HIVEP2: variants seen among roughly 807,000 people sequenced by gnomAD.
HIVEP2 encodes transcription factor HIVEP2.
HIVEP2 carries 14 observed loss-of-function variants against 180.7 expected under a neutral mutation model. That is an observed-to-expected ratio of 0.08 (90% CI 0.05 to 0.12). The LOEUF (loss-of-function observed/expected upper bound fraction) is 0.12, where lower values mean the gene tolerates loss of function less well. HIVEP2 is among the 10% of genes least tolerant of loss of function. The pLI, the probability that HIVEP2 is intolerant of heterozygous loss-of-function variation, is 1.00. For missense variants in HIVEP2, 2,579 were observed against 3,008.5 expected (o/e 0.86, Z 3.34); for synonymous variants, 1,184 against 1,136.4 (o/e 1.04, Z -0.84).
At chr6:142,854,182 C>T (rs928640404) in intron 1 of HIVEP2, among the ~76,000 whole-genome samples, 1 of 152,082 alleles carries the variant, frequency 6.6e-6, no homozygotes, top group Admixed American at 6.6e-5. Flanking sequence ...GATTCTGCCC[C>T]CTTAAGAGAC....
At chr6:142,777,648 C>CAAAAAAAAAAAAAAAA (rs58304452) in intron 3 of HIVEP2, among the ~76,000 whole-genome samples, 1 of 27,674 alleles carries the variant, frequency 3.6e-5, no homozygotes, top group Non-Finnish European at 5.7e-5. Flanking sequence ...AACTCCATCT[C>CAAAAAAAAAAAAAAAA]AAAAAAAAAA....
intron 1 of HIVEP2, among the ~76,000 whole-genome samples, chr6:142,929,457 C>G (rs1326951469): frequency 6.6e-6 from 1 of 151,620 alleles, no homozygotes; most frequent in African/African-American, 2.4e-5. Context: ...AAAATATAAA[C>G]CAGAACAAAA....
intron 1 of HIVEP2, among the ~76,000 whole-genome samples, chr6:142,923,208 T>TGTAATCCCA (rs1486579263): frequency 6.6e-6 from 1 of 151,940 alleles, no homozygotes; most frequent in Non-Finnish European, 1.5e-5. Context: ...TGTGGGAGCC[T>TGTAATCCCA]GTAATCCCAG....
intron 2 of HIVEP2, among the ~76,000 whole-genome samples, chr6:142,793,106 T>A (rs1463565712): frequency 6.6e-6 from 1 of 152,176 alleles, no homozygotes; most frequent in Non-Finnish European, 1.5e-5. Flanking sequence ...TTTCCAAACT[T>A]TTTTCTGAGT....
intron 1 of HIVEP2, among the ~76,000 whole-genome samples, chr6:142,851,507 CTGAG>C (rs1169654285): frequency 1.3e-5 from 2 of 152,168 alleles, no homozygotes; most frequent in African/African-American, 4.8e-5. Flanking sequence ...GCAACATTTA[CTGAG>C]TATTTTCCCA....
chr6:142,872,154 A>G (rs1429646342), intron 1 of HIVEP2, among the ~76,000 whole-genome samples: 3 of 152,196 alleles, frequency 2.0e-5, no homozygotes, highest in African/African-American at 4.8e-5. Context: ...GAAACCAGGA[A>G]TAACCTTCCT....
At chr6:142,866,456 T>C (rs966133716) in intron 1 of HIVEP2, among the ~76,000 whole-genome samples, 1 of 152,166 alleles carries the variant, frequency 6.6e-6, no homozygotes, top group Non-Finnish European at 1.5e-5. Flanking sequence ...AGACAGTTCC[T>C]GAAATTCCAC....
chr6:142,844,132 A>T (rs2114903785), intron 1 of HIVEP2, among the ~76,000 whole-genome samples: 1 of 152,312 alleles, frequency 6.6e-6, no homozygotes, highest in African/African-American at 2.4e-5. Flanking sequence ...ATCCAGAAAC[A>T]GAATGAAATT....
At chr6:142,857,023 C>T (rs1041554847) in intron 1 of HIVEP2, among the ~76,000 whole-genome samples, 1 of 152,166 alleles carries the variant, frequency 6.6e-6, no homozygotes, top group Non-Finnish European at 1.5e-5. Flanking sequence ...CCTCTGTGAT[C>T]ATTTTTCTCA....
At chr6:142,932,890 CAG>C (rs752637535) in intron 1 of HIVEP2, among the ~76,000 whole-genome samples, 9 of 152,192 alleles carry the variant, frequency 5.9e-5, no homozygotes, top group African/African-American at 1.7e-4. Flanking sequence ...CTTTACATTG[CAG>C]AGTGTCCTGT....
chr6:142,807,791 C>T (rs1204070764), intron 2 of HIVEP2, among the ~76,000 whole-genome samples: 2 of 152,138 alleles, frequency 1.3e-5, no homozygotes, highest in Non-Finnish European at 2.9e-5. Flanking sequence ...CAGGAGGCCA[C>T]CAGCTGGCAG....
At chr6:142,930,608 C>T (rs549016636) in intron 1 of HIVEP2, among the ~76,000 whole-genome samples, 1 of 152,288 alleles carries the variant, frequency 6.6e-6, no homozygotes, top group South Asian at 2.1e-4. Context: ...TCACCTCGTA[C>T]CTTTCGGGCT....
chr6:142,754,715 T>G (rs537484226), intron 9 of HIVEP2, among the ~76,000 whole-genome samples: 1 of 152,360 alleles, frequency 6.6e-6, no homozygotes, highest in South Asian at 2.1e-4. Context: ...GAACCAAAGA[T>G]GACTGCATCT....
intron 1 of HIVEP2, among the ~76,000 whole-genome samples, chr6:142,941,468 T>C (rs1276154914): frequency 2.0e-5 from 3 of 152,200 alleles, no homozygotes; most frequent in Non-Finnish European, 4.4e-5. Flanking sequence ...TCTCATACAA[T>C]TACTTTAAAA....
intron 1 of HIVEP2, among the ~76,000 whole-genome samples, chr6:142,916,425 C>T (rs1777550296): frequency 6.6e-6 from 1 of 152,196 alleles, no homozygotes; most frequent in Non-Finnish European, 1.5e-5. Context: ...GTTCTTGGTG[C>T]TCCAGCCACA....
chr6:142,842,603 C>T (rs1775395824), intron 1 of HIVEP2, among the ~76,000 whole-genome samples: 2 of 152,150 alleles, frequency 1.3e-5, no homozygotes, highest in South Asian at 4.1e-4. Flanking sequence ...ATGTGCTTCT[C>T]CACTTTCCTG....
intron 2 of HIVEP2, chr6:142,794,139 A>G (rs1403444408): frequency 1.3e-5 from 2 of 152,178 alleles, no homozygotes; most frequent in African/African-American, 4.8e-5. Flanking sequence ...GCTAAGATCT[A>G]AATCTGTGGC....
At chr6:142,878,343 A>G (rs1776497252) in intron 1 of HIVEP2, among the ~76,000 whole-genome samples, 1 of 152,228 alleles carries the variant, frequency 6.6e-6, no homozygotes, top group South Asian at 2.1e-4. Flanking sequence ...TTCTGTATAC[A>G]TAATTTTCCA....
At chr6:142,787,444 G>A (rs1776029086) in intron 2 of HIVEP2, among the ~76,000 whole-genome samples, 1 of 151,082 alleles carries the variant, frequency 6.6e-6, no homozygotes, top group African/African-American at 2.4e-5. Context: ...TTATAGTAGG[G>A]AATAGAAAAG....
Sources: allele counts gnomAD v4.1 joint callset (sites outside exome capture counted in the v4.1 genomes callset), GRCh38; gene constraint gnomAD v4.1.1; transcripts MANE v1.5; gene names NCBI Gene and HGNC (gene_info 2026-07-23, HGNC 2026-07-21).